Variants in DIS3L observed in about 807,000 individuals in gnomAD.
DIS3L encodes the protein DIS3-like exonuclease 1.
DIS3L carries 100 observed loss-of-function variants against 120.3 expected under a neutral mutation model. The ratio of observed to expected loss-of-function variants is 0.83; its 90% CI spans 0.71 to 0.98. The LOEUF is 0.98. Ranked by LOEUF, DIS3L falls within the 50% of genes least tolerant of loss-of-function variation. The pLI is 0.00. For missense variants in DIS3L, 1,196 were observed against 1,314.2 expected (o/e 0.91, Z 1.39); for synonymous variants, 426 against 470.6 (o/e 0.91, Z 1.23).
In DIS3L at chr15:66,333,224, G is replaced by C. The variant is rs143709249; in HGVS notation, c.3077G>C (p.Arg1026Pro). Residue 1026 changes from arginine to proline, a missense_variant, in exon 17 of 17, where the codon CGC becomes CCC. Coordinates refer to ENST00000319212, the MANE Select transcript of DIS3L (RefSeq NM_001143688.3). ...NIIQEEYQEYRQTKGRSLYTL... is the reference protein window; with the variant it reads ...NIIQEEYQEYPQTKGRSLYTL... Reference sequence around the variant, plus strand: ...ATTCAGGAGGAATATCAAGAATATCGCCAAACAAAGGGAAGGAGCCTATAC... The same window carrying C: ...ATTCAGGAGGAATATCAAGAATATCCCCAAACAAAGGGAAGGAGCCTATAC... The C allele has an allele frequency of 9.3e-6, 15 of 1,613,944 alleles. No homozygotes were observed. The East Asian group carries it at 2.9e-4, about 31-fold the overall frequency.
intron 10 of DIS3L, 134 bp downstream of exon 10, chr15:66,323,068 G>A: frequency 9.4e-7 from 1 of 1,059,840 alleles, no homozygotes; most frequent in Non-Finnish European, 1.3e-6. Context: ...AAAAGTTGAG[G>A]TCCACTCTCC....
rs139624662 is a variant in DIS3L at position 66,329,702 on chromosome 15, A to T, written c.2535+303A>T. 17 of 1,029,780 alleles carry T rather than the reference A, an allele frequency of 1.7e-5. No individual in the cohort carries two copies. In the East Asian group the frequency reaches 1.5e-3, roughly 89 times the overall value. The allele number at this position is 1,029,780 out of a possible 1,614,324, so 63.8% of individuals were successfully genotyped here. A position where few individuals can be genotyped will look rare whatever the true frequency, so the allele number is the denominator to read the frequency against. On this transcript the variant is annotated intron_variant, in intron 14 of 16. Transcript: ENST00000319212. The stretch of plus-strand genomic sequence containing the variant: ...ACTTGAGGGCGGATCACTTGAGGTC[A>T]GGAATTTGAGACCAGCCTGGCCAAT...
chr15:66,328,991 T>C lies in DIS3L; in HGVS notation c.2223T>C (p.Asp741=). The C allele has an allele frequency of 6.2e-7, 1 of 1,612,536 alleles. No homozygotes were observed. The highest frequency in any genetic ancestry group is 2.2e-5 in the East Asian group (1 of 44,888). Residue 741 remains aspartate, a synonymous_variant, in exon 13 of 17, where the codon GAT becomes GAC. Transcript: ENST00000319212. ...TCAGGTCCAATAAAACACTGGCTGA[T>C]TCTCTGGATAATGCGAACGACCCCC... ...IDTRSNKTLA[D]SLDNANDPHD...
intron 8 of DIS3L, among the ~76,000 whole-genome samples, chr15:66,319,192 C>T (rs1203574039): frequency 6.6e-6 from 1 of 152,186 alleles, no homozygotes; most frequent in African/African-American, 2.4e-5. Flanking sequence ...CCTGCCTTGG[C>T]TCCCCAAAGT....
intron 5 of DIS3L, among the ~76,000 whole-genome samples, chr15:66,313,283 C>T (rs768087685): frequency 6.6e-5 from 10 of 151,796 alleles, no homozygotes; most frequent in Non-Finnish European, 1.2e-4. Context: ...CGTGAGCCAC[C>T]GTGCCTAGCC....
At chr15:66,302,701 C>A (rs1202895989) in intron 2 of DIS3L, among the ~76,000 whole-genome samples, 1 of 152,174 alleles carries the variant, frequency 6.6e-6, no homozygotes, top group Non-Finnish European at 1.5e-5. Context: ...TCACCTACTC[C>A]AGGAAGCCTT....
At chr15:66,328,403 T>C (rs974383498) in intron 12 of DIS3L, among the ~76,000 whole-genome samples, 1 of 151,544 alleles carries the variant, frequency 6.6e-6, no homozygotes, top group African/African-American at 2.4e-5. Flanking sequence ...AAATTATTAT[T>C]TTGAGGCTGT....
At chr15:66,314,923 A>G (rs1416624547) in intron 6 of DIS3L, 113 bp from the exon 7 acceptor site, 1 of 1,119,424 alleles carries the variant, frequency 8.9e-7, no homozygotes, top group Non-Finnish European at 1.3e-6. Flanking sequence ...GAAAAGAAAA[A>G]GCTTTACTTG....
chr15:66,326,931 GTT>G (rs71447896), intron 12 of DIS3L, among the ~76,000 whole-genome samples: 1 of 140,512 alleles, frequency 7.1e-6, no homozygotes. Flanking sequence ...TGTTCGGTTG[GTT>G]TTTTTTTTTT....
At position 66,300,082 on chromosome 15, in the gene DIS3L, A is replaced by T. The variant is rs532820067; in HGVS notation, c.293+4941A>T. ...TAAATAAATAAATAAAAATGAAAAC[A>T]TCATACACAAATGTTCATGGCAGCT... On this transcript the variant is annotated intron_variant, in intron 2 of 16. Coordinates refer to ENST00000319212, the MANE Select transcript of DIS3L (RefSeq NM_001143688.3). Among the ~76,000 whole-genome samples the T allele has an allele frequency of 6.6e-5, 10 of 152,310 alleles. No individual in the cohort carries two copies. In the South Asian group the frequency reaches 2.1e-3, roughly 32 times the overall value.
rs765599287 is a variant in DIS3L at position 66,295,158 on chromosome 15, CTTTAT to C, written c.293+20_293+24del. On this transcript the variant is annotated intron_variant, in intron 2 of 16. Transcript: ENST00000319212. ...AGGCAGGAGGTATACGTTTTGCATTCTTTATTTCTATATGGCATAGGTTCCCCCCA... is the reference window on the plus strand; with the variant it reads ...AGGCAGGAGGTATACGTTTTGCATTCTTCTATATGGCATAGGTTCCCCCCA... The C allele has an allele frequency of 1.2e-6, 2 of 1,608,678 alleles. No individual in the cohort carries two copies. Among genetic ancestry groups the C allele is most frequent in the African/African-American group, 2.7e-5 (2 of 74,792 alleles).
chr15:66,318,344 A>G, intron 7 of DIS3L, 105 bp from the exon 8 acceptor site: 1 of 1,303,776 alleles, frequency 7.7e-7, no homozygotes, highest in Non-Finnish European at 1.0e-6. Flanking sequence ...GAAAAAAAAT[A>G]GGACACTGTA....
Position 66,330,524 on chromosome 15 carries a change from G to A in DIS3L, c.2535+1125G>A, listed in dbSNP as rs557777420. 29 of 985,386 alleles carry A rather than the reference G, an allele frequency of 2.9e-5. No homozygotes were observed. In the African/African-American group the frequency reaches 5.1e-4, roughly 17 times the overall value. 61.0% of individuals were successfully genotyped at this position (985,386 alleles called of 1,614,324 possible). ...GTAATTTTCTATATCCAATGGTATA[G>A]TTGTCTGCTGTGCAATGTTGTAGCA... On this transcript the variant is annotated intron_variant, in intron 14 of 16. Transcript: ENST00000319212.
Position 66,308,709 on chromosome 15 carries a change from G to T in DIS3L, c.423G>T (p.Arg141Ser). The change falls in exon 4 of 17, where the codon AGG (arginine) becomes AGT (serine). Residue 141 changes from arginine to serine, a missense_variant and splice_region_variant. Arg to Ser is a moderately radical substitution (Grantham distance 110). Transcript: ENST00000319212. ...RGESMEKWQT[R>S]SIYNAAVWYY... ...GCTCATGTGCCCTTTGCTTTTCCAG[G>T]AGCATATACAACGCAGCTGTTTGGT... 4 of 1,606,764 alleles carry T rather than the reference G, an allele frequency of 2.5e-6. No individual in the cohort carries two copies. Among genetic ancestry groups the T allele is most frequent in the Non-Finnish European group, 3.4e-6 (4 of 1,174,974 alleles).
At chr15:66,330,808 C>T (rs1461946029) in intron 14 of DIS3L, among the ~76,000 whole-genome samples, 2 of 152,138 alleles carry the variant, frequency 1.3e-5, no homozygotes, top group African/African-American at 4.8e-5. Context: ...AGATGATTTC[C>T]TGGAAAAATT....
chr15:66,305,983 A>G (rs1298643479), intron 2 of DIS3L, among the ~76,000 whole-genome samples: 1 of 152,158 alleles, frequency 6.6e-6, no homozygotes, highest in Non-Finnish European at 1.5e-5. Flanking sequence ...CATTGTGGGA[A>G]GGATCTTTTT....
Position 66,307,773 on chromosome 15 carries a change from C to T in DIS3L, c.422+821C>T, listed in dbSNP as rs79713061. On this transcript the variant is annotated intron_variant, in intron 3 of 16. Coordinates refer to ENST00000319212, the MANE Select transcript of DIS3L (RefSeq NM_001143688.3). ...ATTCCCAGAAGCAGGAGTGAAGAAG[C>T]GGGGAGAGTGAGATGGAGATGGAGA... 7.3e-4 allele frequency among the ~76,000 whole-genome samples: 111 copies of T among 151,946 alleles called. 1 individual carries two copies. Among genetic ancestry groups the T allele is most frequent in the Non-Finnish European group, 1.4e-3 (93 of 67,908 alleles).
chr15:66,311,345 T>C (rs964042667), intron 4 of DIS3L, among the ~76,000 whole-genome samples: 2 of 152,010 alleles, frequency 1.3e-5, no homozygotes, highest in African/African-American at 4.8e-5. Context: ...GCTTGGGCTA[T>C]AGAATGAGGT....
chr15:66,312,091 C>T lies in DIS3L; in HGVS notation c.735+191C>T, dbSNP rs531921367. ...GCGTGGTAGTGTGCACCTGTACTCC[C>T]AGATTACTTGGGAGGTTGAGGCAGG... On this transcript the variant is annotated intron_variant, in intron 5 of 16. Coordinates refer to ENST00000319212, the MANE Select transcript of DIS3L (RefSeq NM_001143688.3). Among the ~76,000 whole-genome samples, 243 of 151,920 alleles carry T rather than the reference C, an allele frequency of 1.6e-3. 1 individual carries two copies. The highest frequency in any genetic ancestry group is 6.8e-3 in the Middle Eastern group (2 of 294).
Sources: gnomAD v4.1 joint callset for allele counts (sites outside exome capture counted in the v4.1 genomes callset) on GRCh38, gnomAD v4.1.1 for gene constraint, MANE v1.5 for transcripts, NCBI Gene and HGNC (gene_info 2026-07-23, HGNC 2026-07-21) for gene names.